SSBP4: variants seen among roughly 807,000 people sequenced by gnomAD.
SSBP4 encodes the protein single-stranded DNA-binding protein 4.
Under a neutral mutation model 64.6 loss-of-function variants are expected in SSBP4, and 33 were observed. The observed-to-expected ratio is 0.51, with a 90% CI of 0.39 to 0.68. SSBP4 has a LOEUF of 0.68. SSBP4 is among the 30% of genes least tolerant of loss of function. The pLI, the probability that SSBP4 is intolerant of heterozygous loss-of-function variation, is 0.00. For synonymous variants in SSBP4, 243 were observed against 224.0 expected (o/e 1.08, Z -0.76); for missense variants, 583 against 566.8 (o/e 1.03, Z -0.29).
chr19:18,433,096 A>G lies in SSBP4; in HGVS notation c.913-39A>G, dbSNP rs368719935. On this transcript the variant is annotated intron_variant, in intron 14 of 17. Coordinates refer to ENST00000270061, the MANE Select transcript of SSBP4 (RefSeq NM_032627.5). ...TCGAGGCGGTGACCCCACTTGGGGA[A>G]TGGGTGGCCCGAGTCCCACGCTGTC... 2.4e-5 allele frequency: 39 copies of G among 1,613,208 alleles called. No individual in the cohort carries two copies. The African/African-American group carries it at 4.5e-4, about 19-fold the overall frequency.
At chr19:18,433,935 G>A in intron 17 of SSBP4, 118 bp downstream of exon 17, 2 of 1,243,408 alleles carry the variant, frequency 1.6e-6, no homozygotes, top group Non-Finnish European at 2.0e-6. Context: ...CGGGCCAGGT[G>A]GGGGGGCGGC....
intron 4 of SSBP4, 74 bp downstream of exon 4, chr19:18,428,056 T>TGGGGGGCTTGTGGGGGGGGTGGGGGGGG: frequency 4.5e-6 from 2 of 444,260 alleles, no homozygotes; most frequent in East Asian, 4.7e-5. Context: ...GGAGGTGGGG[T>TGGGGGGCTTGTGGGGGGGGTGGGGGGGG]GGGGGGCTGC....
chr19:18,434,104 A>G (rs1174001966), intron 17 of SSBP4, 113 bp from the exon 18 acceptor site: 7 of 1,220,348 alleles, frequency 5.7e-6, no homozygotes, highest in South Asian at 1.7e-5. Flanking sequence ...TCCCCACCCC[A>G]TGTCTGCCCA....
intron 11 of SSBP4, 27 bp downstream of exon 11, chr19:18,432,631 T>G: frequency 1.3e-6 from 1 of 767,424 alleles, no homozygotes; most frequent in Non-Finnish European, 2.0e-6. Context: ...GTGGGCAGGC[T>G]TGGGGTGGGG....
At chr19:18,417,083 C>T (rs1972146431), upstream of SSBP4, among the ~76,000 whole-genome samples, 1 of 152,100 alleles carries the variant, frequency 6.6e-6, no homozygotes. The surrounding 1 kb of genome is among the most constrained non-coding windows in gnomAD (Gnocchi z 5.4). Context: ...CCCTCCCTCC[C>T]TCCGCCTCCG....
rs185569353 is a variant in SSBP4 at position 18,425,249 on chromosome 19, G to C, written c.60-2102G>C. ...GGGCCTTTTGGACAGCCGTGCCCTGGGTGTGGGGTACCCAGAATGCAGCCT... is the reference window on the plus strand; with the variant it reads ...GGGCCTTTTGGACAGCCGTGCCCTGCGTGTGGGGTACCCAGAATGCAGCCT... On this transcript the variant is annotated intron_variant, in intron 1 of 17. Transcript: ENST00000270061. Among the ~76,000 whole-genome samples, 28 of 152,200 alleles carry C rather than the reference G, an allele frequency of 1.8e-4. No homozygotes were observed. In the East Asian group the frequency reaches 4.4e-3, roughly 24 times the overall value.
At chr19:18,414,874 G>A (rs1240148498), upstream of SSBP4, among the ~76,000 whole-genome samples, 1 of 152,176 alleles carries the variant, frequency 6.6e-6, no homozygotes, top group East Asian at 1.9e-4. Flanking sequence ...AGTGAGCCAG[G>A]GCACAGCTAG....
At chr19:18,405,497 C>CAAA in the SSBP4 span, among the ~76,000 whole-genome samples, 3 of 124,264 alleles carry the variant, frequency 2.4e-5, no homozygotes, top group Non-Finnish European at 5.2e-5. Context: ...TCTGTCTCTA[C>CAAA]AAAAAAAAAA....
chr19:18,431,043 G>T lies in SSBP4; in HGVS notation c.369+113G>T, dbSNP rs1373210783. On this transcript the variant is annotated intron_variant, in intron 5 of 17. Coordinates refer to ENST00000270061, the MANE Select transcript of SSBP4 (RefSeq NM_032627.5). ...TGAGGCCGGCAGGCTGGAGTTGGGTGGGAGGGTCCTCTGTGCCGCAGGTGT... is the reference window on the plus strand; with the variant it reads ...TGAGGCCGGCAGGCTGGAGTTGGGTTGGAGGGTCCTCTGTGCCGCAGGTGT... The T allele has an allele frequency of 3.2e-6, 4 of 1,269,550 alleles. No homozygotes were observed. In the East Asian group the frequency reaches 1.0e-4, roughly 32 times the overall value. The allele number at this position is 1,269,550 out of a possible 1,614,324, so 78.6% of individuals were successfully genotyped here. A position where few individuals can be genotyped will look rare whatever the true frequency, so the allele number is the denominator to read the frequency against.
At chr19:18,407,998 G>GTA in the SSBP4 span, among the ~76,000 whole-genome samples, 2 of 152,120 alleles carry the variant, frequency 1.3e-5, no homozygotes. Flanking sequence ...TCCTGCCTTG[G>GTA]CCTCCCAGAG....
chr19:18,431,278 A>AT (rs1331576972), intron 5 of SSBP4, 75 bp from the exon 6 acceptor site: 2 of 507,646 alleles, frequency 3.9e-6, no homozygotes, highest in Non-Finnish European at 7.1e-6. Context: ...CTCTGCCTCC[A>AT]TGGAGCCCCT....
chr19:18,430,863 C>G lies in SSBP4; in HGVS notation c.302C>G (p.Pro101Arg). The change falls in exon 5 of 18, where the codon CCC becomes CGC. Residue 101 changes from proline (P) to arginine (R), a missense_variant. By Grantham distance (103) the Pro-to-Arg change is moderately radical. Around this residue, in one of 5 missense-constraint regions of SSBP4, gnomAD observed 444 missense variants for 386.6 expected, o/e 1.15. Transcript: ENST00000270061. ...QDYSAAAAPSPVMGSMAPGDT... is the reference protein window; with the variant it reads ...QDYSAAAAPSRVMGSMAPGDT... ...CAGAGTGCTGCAGCCGCCCCCAGCC[C>G]CGTTATGGGGAGTATGGCCCCAGGT... 1 of 1,613,034 alleles carries G rather than the reference C, an allele frequency of 6.2e-7. No homozygotes were observed. The highest frequency in any genetic ancestry group is 1.1e-5 in the South Asian group (1 of 91,050).
Position 18,434,247 on chromosome 19 carries a change from T to C in SSBP4, c.*1T>C, listed in dbSNP as rs754616758. 1 of 1,611,348 alleles carries C rather than the reference T, an allele frequency of 6.2e-7. No individual in the cohort carries two copies. The highest frequency in any genetic ancestry group is 1.3e-5 in the African/African-American group (1 of 74,802). On this transcript the variant is annotated 3_prime_UTR_variant, in exon 18 of 18. Transcript: ENST00000270061. The stretch of plus-strand genomic sequence containing the variant: ...GCCAGGGATGACCATGAGCGTGTGA[T>C]GGGGCGGCAGCCCCGGGCCTCTCTG...
At chr19:18,407,227 G>A in the SSBP4 span, among the ~76,000 whole-genome samples, 1 of 151,536 alleles carries the variant, frequency 6.6e-6, no homozygotes, top group Admixed American at 6.6e-5. Flanking sequence ...TAGTAGAGAC[G>A]GGGTTTCACC....
rs1973815463 is a variant in SSBP4 at position 18,434,207 on chromosome 19, C to T, written c.1129-10C>T. 1 of 1,611,576 alleles carries T rather than the reference C, an allele frequency of 6.2e-7. No individual in the cohort carries two copies. Among genetic ancestry groups the T allele is most frequent in the East Asian group, 2.2e-5 (1 of 44,784 alleles). ...CGGCCCCTGCGCGCTGCCCCCTCCT[C>T]TCTCCGCAGTACTCGCCAGGGATGA... On this transcript the variant is annotated splice_polypyrimidine_tract_variant and intron_variant, in intron 17 of 17. Coordinates refer to ENST00000270061, the MANE Select transcript of SSBP4 (RefSeq NM_032627.5).
the SSBP4 span, among the ~76,000 whole-genome samples, chr19:18,407,503 G>GC: frequency 2.0e-5 from 3 of 151,760 alleles, no homozygotes; most frequent in African/African-American, 2.4e-5. Flanking sequence ...TGCAAGCTCC[G>GC]CCCCCCGGGT....
At chr19:18,425,522 A>G (rs1972791160) in intron 1 of SSBP4, among the ~76,000 whole-genome samples, 1 of 152,102 alleles carries the variant, frequency 6.6e-6, no homozygotes, top group African/African-American at 2.4e-5. Flanking sequence ...CCTGTCAGCC[A>G]CTAGCCACAG....
upstream of SSBP4, among the ~76,000 whole-genome samples, chr19:18,417,741 G>A (rs1972176530): frequency 6.6e-6 from 1 of 152,140 alleles, no homozygotes; most frequent in Non-Finnish European, 1.5e-5. This position sits in a 1 kb window ranked among gnomAD's most constrained non-coding sequence, Gnocchi z 5.4. Context: ...GAAGTGGGAA[G>A]GGCTGGCGTC....
the SSBP4 span, among the ~76,000 whole-genome samples, chr19:18,409,991 C>T: frequency 6.6e-6 from 1 of 152,074 alleles, no homozygotes; most frequent in Non-Finnish European, 1.5e-5. Context: ...GACACCACAC[C>T]TGGCTAATTT....
Sources: gnomAD v4.1 joint callset for allele counts (sites outside exome capture counted in the v4.1 genomes callset) on GRCh38, gnomAD v4.1.1 for gene constraint, gnomAD v4.1.1 regional missense constraint, Gnocchi (gnomAD v3.1) non-coding constraint, MANE v1.5 for transcripts, NCBI Gene and HGNC (gene_info 2026-07-23, HGNC 2026-07-21) for gene names.